Variants in FAM13A observed in about 807,000 individuals in gnomAD.
The protein encoded by FAM13A is family with sequence similarity 13 member A.
FAM13A carries 76 observed loss-of-function variants against 129.6 expected under a neutral mutation model. That is an observed-to-expected ratio of 0.59 (90% CI 0.49 to 0.71). The LOEUF (loss-of-function observed/expected upper bound fraction) is 0.71, where lower values mean the gene tolerates loss of function less well. Among genes scored for constraint, FAM13A ranks in the 30% least tolerant of loss-of-function variants. The pLI is 0.00. For missense variants in FAM13A, 1,108 were observed against 1,249.3 expected (o/e 0.89, Z 1.70); for synonymous variants, 443 against 449.9 (o/e 0.98, Z 0.20).
At chr4:88,764,579 T>C (rs1386575176) in intron 13 of FAM13A, among the ~76,000 whole-genome samples, 1 of 152,172 alleles carries the variant, frequency 6.6e-6, no homozygotes. Context: ...AATCTAGAAA[T>C]TGCTAGTTTT....
At chr4:88,781,741 A>T (rs941965894) in intron 10 of FAM13A, among the ~76,000 whole-genome samples, 27 of 151,918 alleles carry the variant, frequency 1.8e-4, no homozygotes, top group African/African-American at 6.0e-4. Flanking sequence ...AAAATCTAAA[A>T]AGGAATTGTA....
intron 4 of FAM13A, among the ~76,000 whole-genome samples, chr4:88,959,744 T>G (rs1373057996): frequency 1.3e-4 from 20 of 152,238 alleles, no homozygotes; most frequent in Non-Finnish European, 1.5e-5. Context: ...CTCAAGATCT[T>G]TTACTTAATA....
chr4:88,959,388 C>T (rs780389181), intron 4 of FAM13A, among the ~76,000 whole-genome samples: 2 of 152,152 alleles, frequency 1.3e-5, no homozygotes, highest in Non-Finnish European at 2.9e-5. Context: ...TCATGAATGG[C>T]TTGGGCCATC....
chr4:88,759,478 T>C (rs962324265), intron 13 of FAM13A: 1 of 152,302 alleles, frequency 6.6e-6, no homozygotes, highest in African/African-American at 2.4e-5. Flanking sequence ...AGACTATTTA[T>C]GGAGGAGCTC....
chr4:88,820,604 A>G (rs1355875908), intron 7 of FAM13A, among the ~76,000 whole-genome samples: 1 of 152,206 alleles, frequency 6.6e-6, no homozygotes, highest in Non-Finnish European at 1.5e-5. Flanking sequence ...CTAGATTCCT[A>G]TATATGCCAG....
Position 89,033,136 on chromosome 4 carries a change from ACTCTCT to A in FAM13A, c.28-3493_28-3488del, listed in dbSNP as rs34237387. ...GTTCTGTAACAACACACACACACAC[ACTCTCT>A]CTCTCTCTCTCTCTCTAATTGATTA... On this transcript the variant is annotated intron_variant, in intron 1 of 23. Transcript: ENST00000264344. 9.5e-4 allele frequency among the ~76,000 whole-genome samples: 143 copies of A among 149,966 alleles called. 1 individual carries two copies. In the South Asian group the frequency reaches 0.024, roughly 25 times the overall value.
intron 6 of FAM13A, among the ~76,000 whole-genome samples, chr4:88,906,173 A>T (rs1266798001): frequency 6.6e-6 from 1 of 152,174 alleles, no homozygotes; most frequent in Non-Finnish European, 1.5e-5. Flanking sequence ...CTTTAGTCCG[A>T]GCTACCCCAG....
chr4:88,747,635 A>C lies in FAM13A; in HGVS notation c.2378T>G (p.Ile793Ser). ...KRAESSRPEDIKDMTKDQIAN... is the reference protein window; with the variant it reads ...KRAESSRPEDSKDMTKDQIAN... ...CACTTCACAGAATGATCGCACCTTA[A>C]TGTCCTCAGGGCGGCTGCTTTCCGC... The change falls in exon 18 of 24, where the codon ATT (isoleucine) becomes AGT (serine). Residue 793 changes from isoleucine (I) to serine (S), a missense_variant. Physicochemically the swap from Ile to Ser is moderately radical, Grantham distance 142. Transcript: ENST00000264344. 4 of 1,613,898 alleles carry C rather than the reference A, an allele frequency of 2.5e-6. No individual in the cohort carries two copies. The highest frequency in any genetic ancestry group is 3.4e-6 in the Non-Finnish European group (4 of 1,179,798).
At chr4:88,836,816 C>T (rs932027436) in intron 7 of FAM13A, among the ~76,000 whole-genome samples, 6 of 151,600 alleles carry the variant, frequency 4.0e-5, no homozygotes, top group African/African-American at 1.2e-4. Flanking sequence ...AACAATTAGC[C>T]GGGCATGGTG....
At chr4:88,882,670 C>T (rs1743781820) in intron 6 of FAM13A, among the ~76,000 whole-genome samples, 1 of 150,526 alleles carries the variant, frequency 6.6e-6, no homozygotes, top group African/African-American at 2.4e-5. Context: ...CATCTCAATA[C>T]TAATGTTGAA....
intron 4 of FAM13A, among the ~76,000 whole-genome samples, chr4:88,939,950 A>G (rs913416584): frequency 2.0e-5 from 3 of 152,178 alleles, no homozygotes; most frequent in Non-Finnish European, 4.4e-5. Flanking sequence ...TTTAGATAAA[A>G]ACGCAACCCA....
chr4:88,966,304 A>G (rs1431693037), intron 4 of FAM13A, among the ~76,000 whole-genome samples: 4 of 152,210 alleles, frequency 2.6e-5, no homozygotes, highest in Admixed American at 6.5e-5. Context: ...AGAGTATTAG[A>G]AATAAAACTG....
chr4:88,873,753 T>A (rs563132111), intron 6 of FAM13A, among the ~76,000 whole-genome samples: 1 of 152,066 alleles, frequency 6.6e-6, no homozygotes, highest in African/African-American at 2.4e-5. Context: ...ACTATTCCAA[T>A]AGAAAAAGAG....
chr4:88,823,403 T>G lies in FAM13A; in HGVS notation c.1008-18351A>C, dbSNP rs1011003167. 4.6e-6 allele frequency: 4 copies of G among 867,576 alleles called. No individual in the cohort carries two copies. In the South Asian group the frequency reaches 1.8e-4, roughly 38 times the overall value. The allele number at this position is 867,576 out of a possible 1,614,324, so 53.7% of individuals were successfully genotyped here. A position where few individuals can be genotyped will look rare whatever the true frequency, so the allele number is the denominator to read the frequency against. ...CTTCCTCCTCCTCCTTCTCTCCTCC[T>G]GCTCCTGCTCCTCAGTGGGCTTGCC... On this transcript the variant is annotated intron_variant, in intron 7 of 23. Transcript: ENST00000264344.
At chr4:88,750,385 G>C in intron 15 of FAM13A, 39 bp downstream of exon 15, 1 of 1,487,464 alleles carries the variant, frequency 6.7e-7, no homozygotes, top group Non-Finnish European at 9.4e-7. Context: ...ATGTTGTGGG[G>C]ATGATGCATT....
At chr4:88,840,362 C>T (rs1443909151) in intron 7 of FAM13A, among the ~76,000 whole-genome samples, 2 of 152,082 alleles carry the variant, frequency 1.3e-5, no homozygotes, top group Admixed American at 1.3e-4. Context: ...TTTGCTCCAA[C>T]GGAGAAGAGG....
chr4:88,786,554 C>G (rs918599247), intron 10 of FAM13A, among the ~76,000 whole-genome samples: 1 of 152,260 alleles, frequency 6.6e-6, no homozygotes, highest in Admixed American at 6.5e-5. Context: ...CTATATTATA[C>G]TTTTTCTATT....
At chr4:88,857,166 T>C (rs1738662590) in intron 6 of FAM13A, among the ~76,000 whole-genome samples, 1 of 152,182 alleles carries the variant, frequency 6.6e-6, no homozygotes, top group East Asian at 1.9e-4. Flanking sequence ...CACATGCTTA[T>C]CTTTTTTTGT....
chr4:88,999,489 T>G (rs910961479), intron 3 of FAM13A, among the ~76,000 whole-genome samples: 2 of 152,156 alleles, frequency 1.3e-5, no homozygotes, highest in African/African-American at 4.8e-5. Flanking sequence ...TGGCAGTATC[T>G]CAGCTAATAA....
Sources: allele counts gnomAD v4.1 joint callset (sites outside exome capture counted in the v4.1 genomes callset), GRCh38; gene constraint gnomAD v4.1.1; transcripts MANE v1.5; gene names NCBI Gene and HGNC (gene_info 2026-07-23, HGNC 2026-07-21).